THSD4: variants seen among roughly 807,000 people sequenced by gnomAD.
THSD4 encodes the protein thrombospondin type-1 domain-containing protein 4.
A neutral mutation model predicts 119.0 loss-of-function variants in THSD4; 69 were observed. That is an observed-to-expected ratio of 0.58 (90% CI 0.48 to 0.71). The LOEUF (loss-of-function observed/expected upper bound fraction) is 0.71, where lower values mean the gene tolerates loss of function less well. Ranked by LOEUF, THSD4 falls within the 30% of genes least tolerant of loss-of-function variation. THSD4 has a pLI of 0.00. For missense variants in THSD4, 1,393 were observed against 1,391.1 expected (o/e 1.00, Z -0.02); for synonymous variants, 524 against 540.4 (o/e 0.97, Z 0.42).
intron 7 of THSD4, among the ~76,000 whole-genome samples, chr15:71,507,057 G>A (rs2048200772): frequency 6.6e-6 from 1 of 152,178 alleles, no homozygotes; most frequent in South Asian, 2.1e-4. Flanking sequence ...ATAGGCAGGA[G>A]CCTTTTTAGA....
intron 6 of THSD4, among the ~76,000 whole-genome samples, chr15:71,303,118 A>G (rs185131676): frequency 6.6e-6 from 1 of 152,206 alleles, no homozygotes; most frequent in African/African-American, 2.4e-5. Flanking sequence ...AAGCTTTCCT[A>G]CCCAGGAGGA....
At chr15:71,738,135 T>C (rs745929489) in intron 11 of THSD4, 128 bp downstream of exon 11, 2 of 1,278,574 alleles carry the variant, frequency 1.6e-6, no homozygotes, top group Non-Finnish European at 1.1e-6. Context: ...GATTTCTCCA[T>C]GGATGGTGGC....
intron 7 of THSD4, among the ~76,000 whole-genome samples, chr15:71,571,895 A>G (rs1474159822): frequency 1.3e-5 from 2 of 152,220 alleles, no homozygotes; most frequent in African/African-American, 2.4e-5. Flanking sequence ...CCTACCATGT[A>G]TGAGCTGCCT....
chr15:71,401,018 G>A (rs2046524836), intron 6 of THSD4, among the ~76,000 whole-genome samples: 1 of 152,084 alleles, frequency 6.6e-6, no homozygotes, highest in African/African-American at 2.4e-5. Flanking sequence ...CCACTGAAAT[G>A]ACAGTGGGAG....
intron 4 of THSD4, among the ~76,000 whole-genome samples, chr15:71,219,947 T>A (rs1214962484): frequency 6.6e-6 from 1 of 152,150 alleles, no homozygotes; most frequent in Admixed American, 6.5e-5. Flanking sequence ...TGTGTGGAGG[T>A]TGGGCTGTCT....
At chr15:71,324,246 C>T (rs556338408) in intron 6 of THSD4, among the ~76,000 whole-genome samples, 5 of 151,808 alleles carry the variant, frequency 3.3e-5, no homozygotes, top group East Asian at 1.9e-4. Flanking sequence ...AACGCATGCA[C>T]GATAGCGCCG....
chr15:71,121,191 G>T (rs1194925966), intron 1 of THSD4, among the ~76,000 whole-genome samples: 1 of 152,136 alleles, frequency 6.6e-6, no homozygotes, highest in African/African-American at 2.4e-5. Context: ...CAGCGTGGTG[G>T]TGCTGAGGAG....
intron 6 of THSD4, among the ~76,000 whole-genome samples, chr15:71,281,939 T>G (rs2044657861): frequency 6.6e-6 from 1 of 152,222 alleles, no homozygotes; most frequent in African/African-American, 2.4e-5. Context: ...ATTAAAACCC[T>G]GACTCTGATG....
At chr15:71,157,775 C>T (rs1048932105) in intron 3 of THSD4, among the ~76,000 whole-genome samples, 1 of 146,616 alleles carries the variant, frequency 6.8e-6, no homozygotes, top group African/African-American at 2.5e-5. Context: ...AACATAATAA[C>T]CTCCAGGTCC....
chr15:71,101,409 A>G (rs2040253044), intron 1 of THSD4, among the ~76,000 whole-genome samples: 1 of 152,228 alleles, frequency 6.6e-6, no homozygotes, highest in South Asian at 2.1e-4. Context: ...TATGATGACT[A>G]CATACATTGA....
chr15:71,546,883 A>C (rs1248177694), intron 7 of THSD4, among the ~76,000 whole-genome samples: 1 of 152,214 alleles, frequency 6.6e-6, no homozygotes, highest in South Asian at 2.1e-4. Context: ...AATAAACTGC[A>C]GCCCAGAGCG....
At chr15:71,731,074 G>A (rs1051753542) in intron 9 of THSD4, 47 bp from the exon 10 acceptor site, 25 of 1,578,456 alleles carry the variant, frequency 1.6e-5, no homozygotes, top group Non-Finnish European at 2.2e-5. Flanking sequence ...CCCAGAAGGG[G>A]TGTGCATACG....
At chr15:71,620,501 A>T (rs897920473) in intron 7 of THSD4, among the ~76,000 whole-genome samples, 1 of 152,094 alleles carries the variant, frequency 6.6e-6, no homozygotes, top group Non-Finnish European at 1.5e-5. Flanking sequence ...GCTACTCAGG[A>T]GACTGAGACA....
chr15:71,273,968 G>A (rs2044561804), intron 6 of THSD4, among the ~76,000 whole-genome samples: 1 of 152,194 alleles, frequency 6.6e-6, no homozygotes, highest in Non-Finnish European at 1.5e-5. Context: ...AGTCTCATTA[G>A]TGTGCTGCTG....
intron 7 of THSD4, among the ~76,000 whole-genome samples, chr15:71,551,446 A>T (rs1331147540): frequency 6.6e-6 from 1 of 152,214 alleles, no homozygotes; most frequent in Non-Finnish European, 1.5e-5. Context: ...ATGATGACAT[A>T]TTTGAACTGA....
intron 8 of THSD4, among the ~76,000 whole-genome samples, chr15:71,681,119 G>A (rs2051766978): frequency 6.6e-6 from 1 of 151,506 alleles, no homozygotes; most frequent in South Asian, 2.1e-4. Flanking sequence ...GTCACCATGT[G>A]GGCTAGGGTG....
rs1214906183 is a variant in THSD4 at position 71,215,061 on chromosome 15, C to T, written c.126C>T (p.Gly42=). 10 of 1,292,476 alleles carry T rather than the reference C, an allele frequency of 7.7e-6. No homozygotes were observed. Among genetic ancestry groups the T allele is most frequent in the South Asian group, 2.6e-5 (1 of 38,378 alleles). The allele number at this position is 1,292,476 out of a possible 1,614,324, so 80.1% of individuals were successfully genotyped here. Residue 42 remains glycine, a synonymous_variant, in exon 4 of 18, where the codon GGC becomes GGT. Coordinates refer to ENST00000261862, the MANE Select transcript of THSD4 (RefSeq NM_024817.3). ...RKVPQRMAAE[G]APEDDGGGGA... ...TCCCGCAGCGGATGGCGGCGGAGGG[C>T]GCCCCCGAGGACGACGGCGGCGGCG...
intron 15 of THSD4, among the ~76,000 whole-genome samples, chr15:71,762,131 T>C (rs1241287754): frequency 6.7e-6 from 1 of 149,262 alleles, no homozygotes; most frequent in Non-Finnish European, 1.5e-5. Flanking sequence ...CTTCAAATGC[T>C]GTCTCATGCG....
At chr15:71,375,551 A>G (rs2046123823) in intron 6 of THSD4, among the ~76,000 whole-genome samples, 1 of 152,130 alleles carries the variant, frequency 6.6e-6, no homozygotes, top group Non-Finnish European at 1.5e-5. Flanking sequence ...TACTCCTGGC[A>G]CAATACATGT....
Sources: gnomAD v4.1 joint callset for allele counts (sites outside exome capture counted in the v4.1 genomes callset) on GRCh38, gnomAD v4.1.1 for gene constraint, MANE v1.5 for transcripts, NCBI Gene and HGNC (gene_info 2026-07-23, HGNC 2026-07-21) for gene names.